The following UNC5C variants were observed in gnomAD, a reference collection of about 807,000 sequenced individuals.
The protein encoded by UNC5C is unc-5 netrin receptor C, also known as netrin receptor UNC5C.
In UNC5C, 47 loss-of-function variants were observed where a neutral mutation model predicts 99.8. The observed-to-expected ratio is 0.47, with a 90% CI of 0.37 to 0.60. The LOEUF is 0.60. UNC5C is among the 20% of genes least tolerant of loss of function. The probability of loss-of-function intolerance (pLI) is 0.00; values close to 1 mark genes in which losing one functional copy is unlikely to be tolerated. For synonymous variants in UNC5C, 487 were observed against 452.2 expected (o/e 1.08, Z -0.98); for missense variants, 1,062 against 1,165.9 (o/e 0.91, Z 1.30).
intron 4 of UNC5C, among the ~76,000 whole-genome samples, chr4:95,261,187 C>G (rs1002842723): frequency 6.6e-6 from 1 of 152,124 alleles, no homozygotes; most frequent in African/African-American, 2.4e-5. Flanking sequence ...TACATTTTAG[C>G]TACTCCAGGA....
At chr4:95,517,999 C>A (rs1272215741) in intron 1 of UNC5C, among the ~76,000 whole-genome samples, 2 of 152,136 alleles carry the variant, frequency 1.3e-5, no homozygotes, top group African/African-American at 4.8e-5. Flanking sequence ...ACGTTAGAGA[C>A]TGCATTAACT....
intron 1 of UNC5C, among the ~76,000 whole-genome samples, chr4:95,482,421 C>T (rs1309407424): frequency 6.6e-6 from 1 of 151,258 alleles, no homozygotes; most frequent in Non-Finnish European, 1.5e-5. Flanking sequence ...GGACTGTAAA[C>T]TAGTTCAACC....
At chr4:95,396,848 T>C (rs957852833) in intron 1 of UNC5C, among the ~76,000 whole-genome samples, 1 of 152,234 alleles carries the variant, frequency 6.6e-6, no homozygotes, top group Non-Finnish European at 1.5e-5. Flanking sequence ...TAATTTAGTT[T>C]GCATTTAGCT....
At chr4:95,457,814 A>G (rs932595172) in intron 1 of UNC5C, among the ~76,000 whole-genome samples, 1 of 152,144 alleles carries the variant, frequency 6.6e-6, no homozygotes. Context: ...TTTACAACAC[A>G]AGAAACTGAA....
chr4:95,439,311 G>T (rs535709862), intron 1 of UNC5C, among the ~76,000 whole-genome samples: 1 of 152,060 alleles, frequency 6.6e-6, no homozygotes, highest in Admixed American at 6.6e-5. Context: ...GGGTTCAAAG[G>T]CTGTTTGAAC....
chr4:95,368,799 C>T (rs1043178214), intron 1 of UNC5C, among the ~76,000 whole-genome samples: 26 of 151,950 alleles, frequency 1.7e-4, no homozygotes, highest in African/African-American at 6.3e-4. Flanking sequence ...CCAAAATGTC[C>T]AAAATATTGT....
At chr4:95,508,363 A>ACACTGTTATTATTAT (rs6148580) in intron 1 of UNC5C, among the ~76,000 whole-genome samples, 136,429 of 151,858 alleles carry the variant, frequency 0.9, 61,358 homozygotes, top group Non-Finnish European at 0.92. Flanking sequence ...TAAATGATGG[A>ACACTGTTATTATTAT]CATTATCATC....
At chr4:95,502,388 C>T (rs1029898124) in intron 1 of UNC5C, among the ~76,000 whole-genome samples, 9 of 152,084 alleles carry the variant, frequency 5.9e-5, no homozygotes. Flanking sequence ...CCCCTTTCGG[C>T]CTCCCAAGCA....
chr4:95,342,823 GCTGA>G (rs1434841741), intron 1 of UNC5C, among the ~76,000 whole-genome samples: 1 of 151,874 alleles, frequency 6.6e-6, no homozygotes, highest in Non-Finnish European at 1.5e-5. Context: ...GTCACCACAA[GCTGA>G]CTGAAGAGCC....
chr4:95,508,931 A>C (rs1461532838), intron 1 of UNC5C, among the ~76,000 whole-genome samples: 1 of 151,918 alleles, frequency 6.6e-6, no homozygotes, highest in Admixed American at 6.6e-5. Context: ...ATTCAGGAAG[A>C]GAACTGAAAA....
In UNC5C at chr4:95,536,273, A is replaced by T. The variant is rs1256399776; in HGVS notation, c.124+12461T>A. ...GTATTTTTAGTAGAGATGGGATTTC[A>T]CCAGGTTGGCTAGGCTGGTCTTGAA... On this transcript the variant is annotated intron_variant, in intron 1 of 15. Transcript: ENST00000453304. Among the ~76,000 whole-genome samples, 4 of 152,008 alleles carry T rather than the reference A, an allele frequency of 2.6e-5. No homozygotes were observed. The East Asian group carries it at 7.7e-4, about 29-fold the overall frequency.
chr4:95,519,079 C>T (rs1455920494), intron 1 of UNC5C, among the ~76,000 whole-genome samples: 3 of 152,154 alleles, frequency 2.0e-5, no homozygotes, highest in Admixed American at 6.5e-5. Flanking sequence ...GGGAAACTTG[C>T]TTCATGGTTA....
chr4:95,187,443 C>T (rs1736875359), intron 12 of UNC5C, among the ~76,000 whole-genome samples: 2 of 151,834 alleles, frequency 1.3e-5, no homozygotes, highest in Admixed American at 1.3e-4. Flanking sequence ...ATGTATAATC[C>T]ACACCCCATT....
At chr4:95,233,939 T>C in intron 7 of UNC5C, among the ~76,000 whole-genome samples, 1 of 148,182 alleles carries the variant, frequency 6.7e-6, no homozygotes, top group East Asian at 2.0e-4. Flanking sequence ...CCATCACATT[T>C]AAAAAAAAAA....
intron 1 of UNC5C, among the ~76,000 whole-genome samples, chr4:95,500,387 T>C (rs1671352713): frequency 6.6e-6 from 1 of 152,062 alleles, no homozygotes; most frequent in Non-Finnish European, 1.5e-5. Flanking sequence ...CTTGTGCTTA[T>C]ACAACAATGT....
chr4:95,258,508 A>C (rs927887591), intron 4 of UNC5C, among the ~76,000 whole-genome samples: 2 of 152,194 alleles, frequency 1.3e-5, no homozygotes, highest in African/African-American at 4.8e-5. Flanking sequence ...ACTTGTTGTC[A>C]TGGTTGCAAT....
intron 3 of UNC5C, among the ~76,000 whole-genome samples, chr4:95,294,487 G>A (rs755438213): frequency 2.6e-5 from 4 of 152,294 alleles, no homozygotes; most frequent in South Asian, 2.1e-4. Flanking sequence ...GAGGAAATCC[G>A]GAGGAGCCAT....
intron 1 of UNC5C, among the ~76,000 whole-genome samples, chr4:95,499,703 A>G (rs1721730488): frequency 6.6e-6 from 1 of 152,080 alleles, no homozygotes. Context: ...GGGAGACCAA[A>G]CACACTCCAG....
At chr4:95,389,169 A>T (rs1231488208) in intron 1 of UNC5C, among the ~76,000 whole-genome samples, 2 of 152,198 alleles carry the variant, frequency 1.3e-5, no homozygotes, top group Non-Finnish European at 1.5e-5. Context: ...TTTATAAAGC[A>T]GGGCACATGG....
Sources: allele counts gnomAD v4.1 joint callset (sites outside exome capture counted in the v4.1 genomes callset), GRCh38; gene constraint gnomAD v4.1.1; transcripts MANE v1.5; gene names NCBI Gene and HGNC (gene_info 2026-07-23, HGNC 2026-07-21).